BRIP1: variants seen among roughly 807,000 people sequenced by gnomAD.
BRIP1 encodes Fanconi anemia group J protein.
In BRIP1, 88 loss-of-function variants were observed where a neutral mutation model predicts 119.7. That is an observed-to-expected ratio of 0.74 (90% CI 0.62 to 0.88). BRIP1 has a LOEUF of 0.88. Among genes scored for constraint, BRIP1 ranks in the 40% least tolerant of loss-of-function variants. The pLI is 0.00. For missense variants in BRIP1, 1,259 were observed against 1,455.4 expected (o/e 0.87, Z 2.20); for synonymous variants, 443 against 496.5 (o/e 0.89, Z 1.43).
chr17:61,799,119 C>T lies in BRIP1; in HGVS notation c.1321G>A (p.Val441Met), dbSNP rs1060501782. The T allele has an allele frequency of 6.2e-7, 1 of 1,613,124 alleles. No individual in the cohort carries two copies. The highest frequency in any genetic ancestry group is 1.3e-5 in the African/African-American group (1 of 74,898). Reference sequence around the variant, plus strand: ...TCTTACTTAATGAGGCTACAGCACACAGCTCGTAGGGGTTCATGATCTTTC... The same window carrying T: ...TCTTACTTAATGAGGCTACAGCACATAGCTCGTAGGGGTTCATGATCTTTC... ...RKKDHEPLRA[V>M]CCSLINWLEA... The change falls in exon 9 of 20, where the codon GTG becomes ATG. Residue 441 changes from valine (V) to methionine (M), a missense_variant. Physicochemically the swap from Val to Met is conservative, Grantham distance 21 (BLOSUM62 1). This residue lies in a region of BRIP1 where 501 missense variants were observed against 544.0 expected (regional missense o/e 0.92). Coordinates refer to ENST00000259008, the MANE Select transcript of BRIP1 (RefSeq NM_032043.3). This position sits in a 1 kb window ranked among gnomAD's most constrained non-coding sequence, Gnocchi z 5.1.
chr17:61,859,965 T>G, intron 2 of BRIP1, 58 bp from the exon 3 acceptor site: 1 of 1,220,572 alleles, frequency 8.2e-7, no homozygotes, highest in Non-Finnish European at 1.2e-6. Flanking sequence ...AAGGTCTCTC[T>G]CCATCTGAAG....
In BRIP1 at chr17:61,686,012, T is replaced by TC; in HGVS notation, c.2728dup (p.Glu910GlyfsTer29). Reference sequence around the variant, plus strand: ...GGTACTGTACTTTAAAGAGGTCACTTCAAGTGTAGACTCATTGTCCTGTAT... The same window carrying TC: ...GGTACTGTACTTTAAAGAGGTCACTTCCAAGTGTAGACTCATTGTCCTGTAT... On this transcript the variant is annotated frameshift_variant, in exon 19 of 20. Coordinates refer to ENST00000259008, the MANE Select transcript of BRIP1 (RefSeq NM_032043.3). LOFTEE classifies it high-confidence loss of function. This position sits in a 1 kb window ranked among gnomAD's most constrained non-coding sequence, Gnocchi z 5.4. 2 of 1,614,044 alleles carry TC rather than the reference T, an allele frequency of 1.2e-6. No homozygotes were observed. The highest frequency in any genetic ancestry group is 1.7e-6 in the Non-Finnish European group (2 of 1,179,934).
At chr17:61,772,589 C>A (rs754672321) in intron 14 of BRIP1, among the ~76,000 whole-genome samples, 1 of 151,986 alleles carries the variant, frequency 6.6e-6, no homozygotes, top group African/African-American at 2.4e-5. Context: ...GAGGCCAAGG[C>A]GGGCAGATCA....
In BRIP1 at chr17:61,823,934, C is replaced by A. The variant is rs1401863381; in HGVS notation, c.628-15177G>T. ...GTTCAAGTGATTCTCCTGCCTCAGACTCCTGAGCAGCAGAGATTACAGGCA... is the reference window on the plus strand; with the variant it reads ...GTTCAAGTGATTCTCCTGCCTCAGAATCCTGAGCAGCAGAGATTACAGGCA... On this transcript the variant is annotated intron_variant, in intron 6 of 19. Coordinates refer to ENST00000259008, the MANE Select transcript of BRIP1 (RefSeq NM_032043.3). This position sits in a 1 kb window ranked among gnomAD's most constrained non-coding sequence, Gnocchi z 4.8. Among the ~76,000 whole-genome samples, 1 of 152,168 alleles carries A rather than the reference C, an allele frequency of 6.6e-6. No individual in the cohort carries two copies. Among genetic ancestry groups the A allele is most frequent in the South Asian group, 2.1e-4 (1 of 4,832 alleles).
At chr17:61,727,770 G>C (rs200925393) in intron 16 of BRIP1, among the ~76,000 whole-genome samples, 5 of 140,446 alleles carry the variant, frequency 3.6e-5, no homozygotes, top group African/African-American at 5.3e-5. Context: ...CTGTCTGTCT[G>C]TCTCTCTCTC....
rs796969125 is a variant in BRIP1 at position 61,815,136 on chromosome 17, G to T, written c.628-6379C>A. Among the ~76,000 whole-genome samples, 24 of 147,916 alleles carry T rather than the reference G, an allele frequency of 1.6e-4. No individual in the cohort carries two copies. The highest frequency in any genetic ancestry group is 5.9e-4 in the African/African-American group (24 of 40,416). ...CTGGAAAAAAAAAAAAAAACCCACA[G>T]TAAATATACTCTGTTCTGGTTTCTC... On this transcript the variant is annotated intron_variant, in intron 6 of 19. Transcript: ENST00000259008. The surrounding 1 kb of genome is among the most constrained non-coding windows in gnomAD (Gnocchi z 4.1).
intron 14 of BRIP1, among the ~76,000 whole-genome samples, chr17:61,766,768 A>AT (rs1036181565): frequency 6.6e-5 from 10 of 151,422 alleles, no homozygotes; most frequent in South Asian, 2.1e-4. Context: ...ATAAAGATGT[A>AT]TTTTTTTTTA....
rs4988354 is a variant in BRIP1, at chr17:61,716,202, G to A, written c.2380-139C>T. On this transcript the variant is annotated intron_variant, in intron 16 of 19. Coordinates refer to ENST00000259008, the MANE Select transcript of BRIP1 (RefSeq NM_032043.3). The stretch of plus-strand genomic sequence containing the variant: ...TTGTTTTTCAGTACTGATTTTTTTC[G>A]TTTCATTTAAAATAGTTTTATTTAG... 1.7e-3 allele frequency: 995 copies of A among 574,724 alleles called. 6 individuals carry two copies. Among genetic ancestry groups the A allele is most frequent in the Non-Finnish European group, 2.4e-3 (835 of 344,270 alleles). The allele number at this position is 574,724 out of a possible 1,614,324, so 35.6% of individuals were successfully genotyped here.
intron 8 of BRIP1, 26 bp downstream of exon 8, chr17:61,801,227 G>A (rs750638388): frequency 5.1e-6 from 8 of 1,576,802 alleles, no homozygotes; most frequent in Non-Finnish European, 7.0e-6. Flanking sequence ...TAGGAAGAAG[G>A]TTCTCATTTT....
rs1603350425 is a variant in BRIP1, at chr17:61,816,886, C to T, written c.628-8129G>A. On this transcript the variant is annotated intron_variant, in intron 6 of 19. Coordinates refer to ENST00000259008, the MANE Select transcript of BRIP1 (RefSeq NM_032043.3). This position sits in a 1 kb window ranked among gnomAD's most constrained non-coding sequence, Gnocchi z 5.0. ...TAGAATTTTAAAAATCACCATTTTG[C>T]AACTTTCCTGTACTAACTGATTCAG... Among the ~76,000 whole-genome samples the T allele has an allele frequency of 6.6e-6, 1 of 152,160 alleles. No homozygotes were observed. The highest frequency in any genetic ancestry group is 1.9e-4 in the East Asian group (1 of 5,202).
In BRIP1 at chr17:61,700,598, G is replaced by A. The variant is rs533545333; in HGVS notation, c.2493-7086C>T. Among the ~76,000 whole-genome samples, 11 of 152,072 alleles carry A rather than the reference G, an allele frequency of 7.2e-5. No homozygotes were observed. In the South Asian group the frequency reaches 2.3e-3, roughly 32 times the overall value. On this transcript the variant is annotated intron_variant, in intron 17 of 19. Coordinates refer to ENST00000259008, the MANE Select transcript of BRIP1 (RefSeq NM_032043.3). This position sits in a 1 kb window ranked among gnomAD's most constrained non-coding sequence, Gnocchi z 4.1. Reference sequence around the variant, plus strand: ...GCCGCTTTCTAGATTCTGTCTTCTGGCTGTTTGATTTCAACCATCTAGATA... The same window carrying A: ...GCCGCTTTCTAGATTCTGTCTTCTGACTGTTTGATTTCAACCATCTAGATA...
chr17:61,722,806 G>A lies in BRIP1; in HGVS notation c.2380-6743C>T, dbSNP rs1349573718. Among the ~76,000 whole-genome samples the A allele has an allele frequency of 6.6e-6, 1 of 152,114 alleles. No individual in the cohort carries two copies. Among genetic ancestry groups the A allele is most frequent in the Non-Finnish European group, 1.5e-5 (1 of 68,006 alleles). On this transcript the variant is annotated intron_variant, in intron 16 of 19. Transcript: ENST00000259008. This position sits in a 1 kb window ranked among gnomAD's most constrained non-coding sequence, Gnocchi z 4.6. ...TTCATTAACATAATTAAAATTTTCTGTATGGCTACATTGTTTTAATTTATT... is the reference window on the plus strand; with the variant it reads ...TTCATTAACATAATTAAAATTTTCTATATGGCTACATTGTTTTAATTTATT...
chr17:61,821,373 C>G (rs1278444554), intron 6 of BRIP1, among the ~76,000 whole-genome samples: 3 of 152,086 alleles, frequency 2.0e-5, no homozygotes, highest in African/African-American at 7.2e-5. Flanking sequence ...AGCCTCTGAT[C>G]CTTTTGTTAC....
In BRIP1 at chr17:61,700,537, G is replaced by A. The variant is rs1014075204; in HGVS notation, c.2493-7025C>T. On this transcript the variant is annotated intron_variant, in intron 17 of 19. Transcript: ENST00000259008. The surrounding 1 kb of genome is among the most constrained non-coding windows in gnomAD (Gnocchi z 4.1). Reference sequence around the variant, plus strand: ...TGTCAATTAACTGCTTCCTGGTCTGGAGGATGTTTTGTATATGATGAGTTA... The same window carrying A: ...TGTCAATTAACTGCTTCCTGGTCTGAAGGATGTTTTGTATATGATGAGTTA... 6.6e-6 allele frequency among the ~76,000 whole-genome samples: 1 copy of A among 152,086 alleles called. No homozygotes were observed. The highest frequency in any genetic ancestry group is 1.5e-5 in the Non-Finnish European group (1 of 68,010).
rs1195122163 is a variant in BRIP1, at chr17:61,704,608, T to G, written c.2493-11096A>C. ...TTAATGAACACATCTGGGTGGAGAA[T>G]TTTTTAGAAGGCTTTTAACTATGAA... On this transcript the variant is annotated intron_variant, in intron 17 of 19. Coordinates refer to ENST00000259008, the MANE Select transcript of BRIP1 (RefSeq NM_032043.3). The surrounding 1 kb of genome is among the most constrained non-coding windows in gnomAD (Gnocchi z 5.7). Among the ~76,000 whole-genome samples, 1 of 152,152 alleles carries G rather than the reference T, an allele frequency of 6.6e-6. No individual in the cohort carries two copies. Among genetic ancestry groups the G allele is most frequent in the African/African-American group, 2.4e-5 (1 of 41,452 alleles).
rs886981883 is a variant in BRIP1 at position 61,701,400 on chromosome 17, C to G, written c.2493-7888G>C. 1.1e-4 allele frequency among the ~76,000 whole-genome samples: 17 copies of G among 152,314 alleles called. No homozygotes were observed. The highest frequency in any genetic ancestry group is 4.1e-4 in the African/African-American group (17 of 41,578). On this transcript the variant is annotated intron_variant, in intron 17 of 19. Coordinates refer to ENST00000259008, the MANE Select transcript of BRIP1 (RefSeq NM_032043.3). This position sits in a 1 kb window ranked among gnomAD's most constrained non-coding sequence, Gnocchi z 5.1. The stretch of plus-strand genomic sequence containing the variant: ...ACTTAGTAGTCAGCTAATAATTAGA[C>G]AGAGATTTCCTTAAATGTCTAGAAC...
Position 61,828,283 on chromosome 17 carries a change from T to C in BRIP1, c.627+18818A>G, listed in dbSNP as rs1293756691. On this transcript the variant is annotated intron_variant, in intron 6 of 19. Coordinates refer to ENST00000259008, the MANE Select transcript of BRIP1 (RefSeq NM_032043.3). This position sits in a 1 kb window ranked among gnomAD's most constrained non-coding sequence, Gnocchi z 4.1. The stretch of plus-strand genomic sequence containing the variant: ...GTGGATGACCTTGAAAACATTATGC[T>C]GAGTAAAATAAGCCAGACACAAAAG... Among the ~76,000 whole-genome samples the C allele has an allele frequency of 6.6e-6, 1 of 152,154 alleles. No individual in the cohort carries two copies. The highest frequency in any genetic ancestry group is 1.5e-5 in the Non-Finnish European group (1 of 68,030).
Position 61,824,835 on chromosome 17 carries a change from C to T in BRIP1, c.628-16078G>A, listed in dbSNP as rs148788001. Among the ~76,000 whole-genome samples the T allele has an allele frequency of 6.2e-4, 95 of 152,232 alleles. 1 individual carries two copies. In the East Asian group the frequency reaches 0.018, roughly 29 times the overall value. The stretch of plus-strand genomic sequence containing the variant: ...CACACCAAATGGGAGAAAATATTTA[C>T]AAATCATGTATCCAATAAGGTATTA... On this transcript the variant is annotated intron_variant, in intron 6 of 19. Transcript: ENST00000259008. This position sits in a 1 kb window ranked among gnomAD's most constrained non-coding sequence, Gnocchi z 4.3.
chr17:61,799,751 T>C lies in BRIP1; in HGVS notation c.1141-452A>G, dbSNP rs1042516228. Reference sequence around the variant, plus strand: ...AAGCATAAAACCTTTAAAAGTAAAATAACAATACAAGATTAAAATGACTCT... The same window carrying C: ...AAGCATAAAACCTTTAAAAGTAAAACAACAATACAAGATTAAAATGACTCT... On this transcript the variant is annotated intron_variant, in intron 8 of 19. Coordinates refer to ENST00000259008, the MANE Select transcript of BRIP1 (RefSeq NM_032043.3). The surrounding 1 kb of genome is among the most constrained non-coding windows in gnomAD (Gnocchi z 5.1). Among the ~76,000 whole-genome samples the C allele has an allele frequency of 3.9e-5, 6 of 152,092 alleles. No individual in the cohort carries two copies. Among genetic ancestry groups the C allele is most frequent in the Admixed American group, 3.9e-4 (6 of 15,268 alleles).
Sources: gnomAD v4.1 joint callset for allele counts (sites outside exome capture counted in the v4.1 genomes callset) on GRCh38, gnomAD v4.1.1 for gene constraint, gnomAD v4.1.1 regional missense constraint, Gnocchi (gnomAD v3.1) non-coding constraint, MANE v1.5 for transcripts, NCBI Gene and HGNC (gene_info 2026-07-23, HGNC 2026-07-21) for gene names.